Variants in CMTM8 observed in about 807,000 individuals in gnomAD.
The protein encoded by CMTM8 is CKLF-like MARVEL transmembrane domain-containing protein 8.
A neutral mutation model predicts 18.6 loss-of-function variants in CMTM8; 12 were observed. The ratio of observed to expected loss-of-function variants is 0.65; its 90% CI spans 0.41 to 1.05. CMTM8 has a LOEUF of 1.05. CMTM8 is among the 50% of genes least tolerant of loss of function. The pLI, the probability that CMTM8 is intolerant of heterozygous loss-of-function variation, is 0.00. For synonymous variants in CMTM8, 87 were observed against 90.6 expected (o/e 0.96, Z 0.23); for missense variants, 217 against 227.2 (o/e 0.95, Z 0.29).
rs60868847 is a variant in CMTM8, at chr3:32,316,800, TTTAGAAACCAG to T, written c.148-40569_148-40559del. On this transcript the variant is annotated intron_variant, in intron 1 of 3. Transcript: ENST00000307526. ...GAAAGCTAAATTTTTCAGTGAAGTT[TTTAGAAACCAG>T]TTATTACATGGCAGGATCAAATCCC... Among the ~76,000 whole-genome samples the T allele has an allele frequency of 7.5e-3, 1,141 of 152,304 alleles. 16 individuals carry two copies. Among genetic ancestry groups the T allele is most frequent in the African/African-American group, 0.026 (1,065 of 41,560 alleles).
chr3:32,262,816 C>T (rs1315404221), intron 1 of CMTM8, among the ~76,000 whole-genome samples: 2 of 152,206 alleles, frequency 1.3e-5, no homozygotes, highest in Admixed American at 1.3e-4. Flanking sequence ...TACATTAATT[C>T]CCCCTGGACT....
intron 1 of CMTM8, among the ~76,000 whole-genome samples, chr3:32,280,718 C>T (rs931138850): frequency 2.0e-5 from 3 of 151,894 alleles, no homozygotes; most frequent in African/African-American, 2.4e-5. Flanking sequence ...AGTCAAGACC[C>T]GTCACTGGTA....
At chr3:32,355,696 A>G (rs774163247) in intron 1 of CMTM8, among the ~76,000 whole-genome samples, 1 of 152,182 alleles carries the variant, frequency 6.6e-6, no homozygotes, top group Non-Finnish European at 1.5e-5. Flanking sequence ...CTTCGGATAA[A>G]GCACAAAATC....
intron 1 of CMTM8, among the ~76,000 whole-genome samples, chr3:32,353,682 C>A (rs1575092412): frequency 6.6e-6 from 1 of 151,920 alleles, no homozygotes; most frequent in East Asian, 1.9e-4. Flanking sequence ...GGAAAGAGGC[C>A]AGAAAGGGTA....
At chr3:32,278,833 TCC>T (rs1173493594) in intron 1 of CMTM8, among the ~76,000 whole-genome samples, 3 of 152,186 alleles carry the variant, frequency 2.0e-5, no homozygotes, top group Admixed American at 6.5e-5. Context: ...GAAAGACACT[TCC>T]TAGAACTTAA....
At chr3:32,332,038 G>GCACA (rs3060733) in intron 1 of CMTM8, among the ~76,000 whole-genome samples, 13 of 150,322 alleles carry the variant, frequency 8.6e-5, no homozygotes, top group Non-Finnish European at 7.4e-5. Flanking sequence ...GACCACACGC[G>GCACA]CACACACACA....
intron 1 of CMTM8, among the ~76,000 whole-genome samples, chr3:32,303,964 A>G (rs901769732): frequency 8.5e-5 from 13 of 152,228 alleles, no homozygotes; most frequent in African/African-American, 2.9e-4. Context: ...TGCAGTCCAT[A>G]TTCAAATTTT....
intron 1 of CMTM8, among the ~76,000 whole-genome samples, chr3:32,256,798 T>C (rs1214888913): frequency 6.6e-6 from 1 of 152,170 alleles, no homozygotes; most frequent in Non-Finnish European, 1.5e-5. Context: ...TAGCCTGATA[T>C]TTCCTGGTGT....
In CMTM8 at chr3:32,352,335, A is replaced by G. The variant is rs532221796; in HGVS notation, c.148-5038A>G. ...GATGAAGAAAAATGCAAATTAAAGT[A>G]GAAACAAGATGCTATTCATCAGTGG... On this transcript the variant is annotated intron_variant, in intron 1 of 3. Transcript: ENST00000307526. Among the ~76,000 whole-genome samples the G allele has an allele frequency of 3.9e-5, 6 of 152,356 alleles. No homozygotes were observed. In the South Asian group the frequency reaches 1.0e-3, roughly 26 times the overall value.
chr3:32,292,318 A>G (rs1702794350), intron 1 of CMTM8, among the ~76,000 whole-genome samples: 1 of 152,200 alleles, frequency 6.6e-6, no homozygotes, highest in Non-Finnish European at 1.5e-5. Context: ...TCTCGTATAG[A>G]TGCCTCACAG....
At chr3:32,308,936 G>A (rs900931628) in intron 1 of CMTM8, among the ~76,000 whole-genome samples, 1 of 152,140 alleles carries the variant, frequency 6.6e-6, no homozygotes, top group Non-Finnish European at 1.5e-5. Flanking sequence ...CATCGTGGCA[G>A]CTCTGTATCA....
At chr3:32,342,107 G>A (rs1295626233) in intron 1 of CMTM8, among the ~76,000 whole-genome samples, 2 of 151,898 alleles carry the variant, frequency 1.3e-5, no homozygotes, top group East Asian at 3.9e-4. Context: ...AATTAGCTGG[G>A]CGTGGTGGCA....
intron 1 of CMTM8, among the ~76,000 whole-genome samples, chr3:32,268,836 A>C (rs1575153098): frequency 1.3e-5 from 2 of 152,208 alleles, no homozygotes; most frequent in South Asian, 4.1e-4. Flanking sequence ...AAACATGCAA[A>C]GCTCTGATCT....
At chr3:32,265,899 A>G (rs1256705396) in intron 1 of CMTM8, among the ~76,000 whole-genome samples, 1 of 152,240 alleles carries the variant, frequency 6.6e-6, no homozygotes, top group Non-Finnish European at 1.5e-5. Flanking sequence ...CCAAGACTAA[A>G]CCAGGAAGAA....
At chr3:32,355,842 G>T (rs904753187) in intron 1 of CMTM8, among the ~76,000 whole-genome samples, 1 of 152,120 alleles carries the variant, frequency 6.6e-6, no homozygotes, top group Non-Finnish European at 1.5e-5. Context: ...CTTTGCCCAC[G>T]CTGTGTCCTC....
chr3:32,279,268 G>A (rs1355682205), intron 1 of CMTM8, among the ~76,000 whole-genome samples: 146 of 123,720 alleles, frequency 1.2e-3, no homozygotes, highest in East Asian at 5.9e-3. Context: ...ATGCTGGTGC[G>A]CTGCACCCAC....
chr3:32,288,789 T>C (rs979249596), intron 1 of CMTM8, among the ~76,000 whole-genome samples: 1 of 152,128 alleles, frequency 6.6e-6, no homozygotes, highest in Non-Finnish European at 1.5e-5. Flanking sequence ...CGTGAGCCAC[T>C]ATATCTGGCC....
In CMTM8 at chr3:32,297,711, G is replaced by C. The variant is rs533296269; in HGVS notation, c.147+58592G>C. On this transcript the variant is annotated intron_variant, in intron 1 of 3. Coordinates refer to ENST00000307526, the MANE Select transcript of CMTM8 (RefSeq NM_178868.5). ...GTGAAAGATAACAATTTCTTCTATT[G>C]CTCACCAGCCTCATTTGGAAAGTTA... Among the ~76,000 whole-genome samples, 4 of 152,098 alleles carry C rather than the reference G, an allele frequency of 2.6e-5. No homozygotes were observed. In the East Asian group the frequency reaches 7.7e-4, roughly 29 times the overall value.
rs1695619491 is a variant in CMTM8 at position 32,370,148 on chromosome 3, G to A, written c.*181G>A. 1.1e-5 allele frequency: 4 copies of A among 369,446 alleles called. No homozygotes were observed. The South Asian group carries it at 1.6e-4, about 15-fold the overall frequency. 22.9% of individuals were successfully genotyped at this position (369,446 alleles called of 1,614,324 possible). A position where few individuals can be genotyped will look rare whatever the true frequency, so the allele number is the denominator to read the frequency against. ...ACTGGATACTTATTTGCAAAGTGTT[G>A]TAGCTTATAATGAACTCTTAAGTAT... On this transcript the variant is annotated 3_prime_UTR_variant, in exon 4 of 4. Transcript: ENST00000307526.
Sources: allele counts gnomAD v4.1 joint callset (sites outside exome capture counted in the v4.1 genomes callset), GRCh38; gene constraint gnomAD v4.1.1; transcripts MANE v1.5; gene names NCBI Gene and HGNC (gene_info 2026-07-23, HGNC 2026-07-21).